Variants in TAFA1 observed in about 807,000 individuals in gnomAD.
The protein encoded by TAFA1 is chemokine-like protein TAFA-1.
In TAFA1, 4 loss-of-function variants were observed where a neutral mutation model predicts 18.5. The observed-to-expected ratio is 0.22, with a 90% CI of 0.11 to 0.49. The LOEUF (loss-of-function observed/expected upper bound fraction) is 0.49, where lower values mean the gene tolerates loss of function less well. Ranked by LOEUF, TAFA1 falls within the 20% of genes least tolerant of loss-of-function variation. TAFA1 has a pLI of 0.98. For synonymous variants in TAFA1, 56 were observed against 55.2 expected, an observed-to-expected ratio of 1.01 and a Z score of -0.06; for missense variants, 147 against 169.0, an observed-to-expected ratio of 0.87 and a Z score of 0.72.
At chr3:68,428,141 A>G (rs775385202) in intron 3 of TAFA1, among the ~76,000 whole-genome samples, 2 of 151,950 alleles carry the variant, frequency 1.3e-5, no homozygotes, top group Non-Finnish European at 2.9e-5. Context: ...AAATTGAAGA[A>G]TGAGTATTTT....
intron 2 of TAFA1, among the ~76,000 whole-genome samples, chr3:68,062,823 A>T (rs2064621660): frequency 6.6e-6 from 1 of 152,226 alleles, no homozygotes; most frequent in Non-Finnish European, 1.5e-5. Flanking sequence ...TGAAGGGAAG[A>T]AATGCTCCAT....
chr3:68,212,997 CTAACT>C (rs1206473088), intron 2 of TAFA1, among the ~76,000 whole-genome samples: 1 of 151,670 alleles, frequency 6.6e-6, no homozygotes, highest in Non-Finnish European at 1.5e-5. Flanking sequence ...CTGGGCCCAG[CTAACT>C]TAACTTACAA....
intron 2 of TAFA1, among the ~76,000 whole-genome samples, chr3:68,104,920 A>G (rs111571746): frequency 0.025 from 3,833 of 152,226 alleles, 152 homozygotes; most frequent in African/African-American, 0.085. Flanking sequence ...ATTTATAAAG[A>G]AAAGAGGTTT....
At chr3:68,042,883 G>C (rs1294627904) in intron 2 of TAFA1, among the ~76,000 whole-genome samples, 1 of 151,876 alleles carries the variant, frequency 6.6e-6, no homozygotes, top group Non-Finnish European at 1.5e-5. Flanking sequence ...CCATTCTTTT[G>C]TTTTGTTTTG....
intron 2 of TAFA1, among the ~76,000 whole-genome samples, chr3:68,171,324 T>A (rs1393771991): frequency 6.6e-6 from 1 of 152,138 alleles, no homozygotes; most frequent in Non-Finnish European, 1.5e-5. Context: ...AAATAGATTG[T>A]TCTATAAAGC....
intron 2 of TAFA1, among the ~76,000 whole-genome samples, chr3:68,031,938 G>C (rs1270820397): frequency 6.6e-6 from 1 of 152,040 alleles, no homozygotes; most frequent in Admixed American, 6.6e-5. Context: ...TAAATTATAC[G>C]GATTTGAATC....
intron 2 of TAFA1, among the ~76,000 whole-genome samples, chr3:68,113,888 GTTTTTTTTGTTTTTT>G (rs1201127401): frequency 5.2e-4 from 30 of 57,884 alleles, no homozygotes; most frequent in African/African-American, 2.8e-4. Flanking sequence ...TTGGGGTGTA[GTTTTTTTTGTTTTTT>G]TTTTTTTTTT....
intron 3 of TAFA1, among the ~76,000 whole-genome samples, chr3:68,439,792 T>G (rs1453434408): frequency 8.6e-5 from 13 of 152,030 alleles, no homozygotes; most frequent in Admixed American, 8.5e-4. Context: ...CTTTGCATCC[T>G]TCAATCCAAT....
intron 2 of TAFA1, among the ~76,000 whole-genome samples, chr3:68,098,105 T>G (rs1050288489): frequency 6.6e-6 from 1 of 152,188 alleles, no homozygotes. Context: ...CCTGTTGTGG[T>G]CTCACTGTGC....
intron 3 of TAFA1, among the ~76,000 whole-genome samples, chr3:68,490,656 T>A (rs2072433531): frequency 6.6e-6 from 1 of 152,160 alleles, no homozygotes; most frequent in African/African-American, 2.4e-5. Flanking sequence ...ATTTTTTTTG[T>A]TTTGGAAAAT....
chr3:68,044,150 ATTC>A (rs1356612057), intron 2 of TAFA1, among the ~76,000 whole-genome samples: 4 of 152,158 alleles, frequency 2.6e-5, no homozygotes, highest in Admixed American at 2.6e-4. Context: ...TTGTTCCTTC[ATTC>A]TTCTTTCCTA....
At chr3:68,010,836 A>G (rs1192341157) in intron 2 of TAFA1, among the ~76,000 whole-genome samples, 1 of 152,194 alleles carries the variant, frequency 6.6e-6, no homozygotes, top group Admixed American at 6.5e-5. Flanking sequence ...AACTTGAAGA[A>G]TACTTGAGCT....
At chr3:68,032,947 C>T (rs1241861598) in intron 2 of TAFA1, among the ~76,000 whole-genome samples, 1 of 152,128 alleles carries the variant, frequency 6.6e-6, no homozygotes, top group African/African-American at 2.4e-5. Context: ...CGTCACCTCC[C>T]AATTCCTCAT....
intron 2 of TAFA1, among the ~76,000 whole-genome samples, chr3:68,402,423 C>T (rs577666919): frequency 1.4e-4 from 21 of 152,302 alleles, no homozygotes; most frequent in African/African-American, 4.8e-4. Flanking sequence ...TATTTATCAT[C>T]TTGATAAACA....
chr3:68,524,120 T>C (rs1251157192), intron 3 of TAFA1, among the ~76,000 whole-genome samples: 1 of 152,176 alleles, frequency 6.6e-6, no homozygotes, highest in East Asian at 1.9e-4. Context: ...TCTTCTGGTC[T>C]GGGCTGGCTC....
intron 2 of TAFA1, among the ~76,000 whole-genome samples, chr3:68,113,958 G>T (rs2065296203): frequency 1.4e-5 from 2 of 141,798 alleles, no homozygotes; most frequent in Non-Finnish European, 3.0e-5. Context: ...AGGCTGGAGT[G>T]CAGTGGCACA....
At chr3:68,297,011 G>A (rs369966454) in intron 2 of TAFA1, among the ~76,000 whole-genome samples, 1 of 152,232 alleles carries the variant, frequency 6.6e-6, no homozygotes, top group South Asian at 2.1e-4. Flanking sequence ...GAGAGAAGAA[G>A]GGTGGATCTT....
intron 2 of TAFA1, among the ~76,000 whole-genome samples, chr3:68,247,965 A>C (rs184716947): frequency 1.3e-5 from 2 of 152,346 alleles, no homozygotes; most frequent in Non-Finnish European, 2.9e-5. Context: ...TTTCCAGGCT[A>C]TGGTTTATGT....
intron 3 of TAFA1, among the ~76,000 whole-genome samples, chr3:68,487,701 G>C (rs1051345939): frequency 2.0e-5 from 3 of 147,006 alleles, no homozygotes; most frequent in Non-Finnish European, 4.4e-5. Context: ...GCAGTGAGCC[G>C]AGATCGCGCC....
Sources: allele counts gnomAD v4.1 joint callset (sites outside exome capture counted in the v4.1 genomes callset), GRCh38; gene constraint gnomAD v4.1.1; transcripts MANE v1.5; gene names NCBI Gene and HGNC (gene_info 2026-07-23, HGNC 2026-07-21).